Variants in TRPC4AP observed in about 807,000 individuals in gnomAD.
The protein encoded by TRPC4AP is short transient receptor potential channel 4-associated protein.
Under a neutral mutation model 99.0 loss-of-function variants are expected in TRPC4AP, and 45 were observed. The ratio of observed to expected loss-of-function variants is 0.45; its 90% CI spans 0.36 to 0.58. The LOEUF is 0.58. Ranked by LOEUF, TRPC4AP falls within the 20% of genes least tolerant of loss-of-function variation. The pLI, the probability that TRPC4AP is intolerant of heterozygous loss-of-function variation, is 0.00. For missense variants in TRPC4AP, 879 were observed against 985.3 expected (o/e 0.89, Z 1.44); for synonymous variants, 408 against 385.8 (o/e 1.06, Z -0.67).
intron 8 of TRPC4AP, among the ~76,000 whole-genome samples, chr20:35,023,809 T>C (rs1444693641): frequency 6.6e-6 from 1 of 152,196 alleles, no homozygotes; most frequent in African/African-American, 2.4e-5. Context: ...GTGGGCACAG[T>C]GTGGGGCACA....
At chr20:35,008,606 G>A in intron 13 of TRPC4AP, 58 bp downstream of exon 13, 1 of 1,509,600 alleles carries the variant, frequency 6.6e-7, no homozygotes. Flanking sequence ...CTAACCTCCT[G>A]AGAAACACCT....
rs2082883662 is a variant in TRPC4AP at position 35,021,316 on chromosome 20, A to G, written c.1092T>C (p.Asn364=). The G allele has an allele frequency of 6.2e-7, 1 of 1,614,056 alleles. No homozygotes were observed. The highest frequency in any genetic ancestry group is 1.7e-5 in the Admixed American group (1 of 60,006). Residue 364 remains asparagine, a synonymous_variant, in exon 9 of 19, where the codon AAT becomes AAC. Transcript: ENST00000252015. The part of the protein sequence containing the change: ...VFPPPGASEE[N]GLPHTSARTQ... ...TTCTGGCTGACGTGTGAGGCAGGCC[A>G]TTCTCCTCAGAAGCCCCTGGAGGAG...
chr20:35,016,022 A>G lies in TRPC4AP; in HGVS notation c.1336T>C (p.Cys446Arg). The stretch of plus-strand genomic sequence containing the variant: ...CTCCTGCTTACCGGGCTACAGTCAC[A>G]GTTCTGGTTGTGACCATGGAGGACA... ...ALVLHGHNQN[C>R]DCSPDITLKI... The change falls in exon 10 of 19, where the codon TGT becomes CGT. Residue 446 changes from cysteine (C) to arginine (R), a missense_variant. This residue lies in a region of TRPC4AP where 603 missense variants were observed against 631.8 expected (regional missense o/e 0.95). Coordinates refer to ENST00000252015, the MANE Select transcript of TRPC4AP (RefSeq NM_015638.3). 6.2e-7 allele frequency: 1 copy of G among 1,614,206 alleles called. No individual in the cohort carries two copies. The highest frequency in any genetic ancestry group is 1.3e-5 in the African/African-American group (1 of 75,060).
intron 1 of TRPC4AP, among the ~76,000 whole-genome samples, chr20:35,078,503 T>C (rs2084545060): frequency 6.6e-6 from 1 of 152,128 alleles, no homozygotes; most frequent in Non-Finnish European, 1.5e-5. Flanking sequence ...ATAATTGATA[T>C]GCTAAGAGAT....
chr20:35,092,792 C>A lies in TRPC4AP; in HGVS notation c.-11G>T, dbSNP rs753737032. ...CGGCGCCGCCGCCATGTCTCCTCGT[C>A]GGACAAACAGGAAGCAAGCGGCCTC... On this transcript the variant is annotated 5_prime_UTR_variant, in exon 1 of 19. Transcript: ENST00000252015. 4.9e-5 allele frequency: 74 copies of A among 1,525,110 alleles called. No homozygotes were observed. In the East Asian group the frequency reaches 1.9e-3, roughly 40 times the overall value. 94.5% of individuals were successfully genotyped at this position (1,525,110 alleles called of 1,614,324 possible). A position where few individuals can be genotyped will look rare whatever the true frequency, so the allele number is the denominator to read the frequency against.
intron 2 of TRPC4AP, among the ~76,000 whole-genome samples, chr20:35,075,437 T>C (rs2084449749): frequency 6.6e-6 from 1 of 152,240 alleles, no homozygotes; most frequent in Non-Finnish European, 1.5e-5. Context: ...TCAGGAGCTC[T>C]TGTAAGGCAG....
In TRPC4AP at chr20:35,078,134, T is replaced by C. The variant is rs1438840484; in HGVS notation, c.209A>G (p.Lys70Arg). 2 of 1,613,898 alleles carry C rather than the reference T, an allele frequency of 1.2e-6. No individual in the cohort carries two copies. Among genetic ancestry groups the C allele is most frequent in the African/African-American group, 2.7e-5 (2 of 74,908 alleles). The stretch of plus-strand genomic sequence containing the variant: ...GAGCAGCTGAGGAATTCCACTCCAC[T>C]TGGATTGTTTGTCCCTCTCCGTCAA... ...TFLTERDKQS[K>R]WSGIPQLLLK... Residue 70 changes from lysine (K) to arginine (R), a missense_variant, in exon 2 of 19, where the codon AAG becomes AGG. Around this residue, in one of 3 missense-constraint regions of TRPC4AP, gnomAD observed 603 missense variants for 631.8 expected, o/e 0.95. Transcript: ENST00000252015.
At position 35,039,865 on chromosome 20, in the gene TRPC4AP, C is replaced by A. The variant is rs923827050; in HGVS notation, c.866-4557G>T. ...TAATTATTTATTTTAAAATGAATCT[C>A]AAAAAATAATGACTTACGCTATCTT... On this transcript the variant is annotated intron_variant, in intron 7 of 18. Coordinates refer to ENST00000252015, the MANE Select transcript of TRPC4AP (RefSeq NM_015638.3). 1.0e-3 allele frequency among the ~76,000 whole-genome samples: 155 copies of A among 151,250 alleles called. 3 individuals are homozygous for A. Among genetic ancestry groups the A allele is most frequent in the Non-Finnish European group, 3.4e-4 (23 of 67,780 alleles).
At chr20:35,079,435 G>C (rs971497599) in intron 1 of TRPC4AP, among the ~76,000 whole-genome samples, 2 of 152,020 alleles carry the variant, frequency 1.3e-5, no homozygotes, top group African/African-American at 4.8e-5. Flanking sequence ...TAATAGAAAA[G>C]AAGAAATATC....
Position 35,002,758 on chromosome 20 carries a change from A to C in TRPC4AP, c.*388T>G. 1 of 192,358 alleles carries C rather than the reference A, an allele frequency of 5.2e-6. No individual in the cohort carries two copies. 11.9% of individuals were successfully genotyped at this position (192,358 alleles called of 1,614,324 possible). A position where few individuals can be genotyped will look rare whatever the true frequency, so the allele number is the denominator to read the frequency against. Reference sequence around the variant, plus strand: ...TGGGTCCAAAGGCCAGGGACAAGGGAGGCTTGGCTCACAGATGGGGGGTGG... The same window carrying C: ...TGGGTCCAAAGGCCAGGGACAAGGGCGGCTTGGCTCACAGATGGGGGGTGG... On this transcript the variant is annotated 3_prime_UTR_variant, in exon 19 of 19. Transcript: ENST00000252015.
At chr20:35,065,289 A>G (rs2084114579) in intron 3 of TRPC4AP, among the ~76,000 whole-genome samples, 1 of 152,224 alleles carries the variant, frequency 6.6e-6, no homozygotes. Context: ...CATTTCCTCC[A>G]TAAAAGCAGG....
In TRPC4AP at chr20:35,071,458, T is replaced by A. The variant is rs1260916935; in HGVS notation, c.298-2046A>T. ...CCCCCCACCCCATGCCAGGCCCTGG[T>A]GTGTGACGTTCCCCACCCTGTGTCC... is the stretch of plus-strand genomic sequence containing the variant. On this transcript the variant is annotated intron_variant, in intron 2 of 18. Transcript: ENST00000252015. Among the ~76,000 whole-genome samples the A allele has an allele frequency of 2.5e-5, 3 of 121,252 alleles. No individual in the cohort carries two copies. In the East Asian group the frequency reaches 8.8e-4, roughly 35 times the overall value. The allele number at this position is 121,252 out of a possible 152,430, so 79.5% of individuals were successfully genotyped here. A position where few individuals can be genotyped will look rare whatever the true frequency, so the allele number is the denominator to read the frequency against.
At chr20:35,059,714 A>G (rs951700754) in intron 3 of TRPC4AP, among the ~76,000 whole-genome samples, 2 of 90,498 alleles carry the variant, frequency 2.2e-5, no homozygotes, top group Non-Finnish European at 4.5e-5. Flanking sequence ...AAGAAATAAG[A>G]AGAAGAAGAA....
At chr20:35,021,414 C>T in intron 8 of TRPC4AP, 58 bp from the exon 9 acceptor site, 2 of 1,578,252 alleles carry the variant, frequency 1.3e-6, no homozygotes, top group South Asian at 1.1e-5. Context: ...CACGTTTCTG[C>T]CCCTCGAACC....
At chr20:35,007,123 T>C (rs145472501) in intron 14 of TRPC4AP, among the ~76,000 whole-genome samples, 142 of 152,378 alleles carry the variant, frequency 9.3e-4, no homozygotes, top group African/African-American at 3.3e-3. Flanking sequence ...TTGATTTGGA[T>C]CAATTCTTTT....
At chr20:35,006,849 G>A (rs1034832783) in intron 14 of TRPC4AP, among the ~76,000 whole-genome samples, 1 of 152,254 alleles carries the variant, frequency 6.6e-6, no homozygotes, top group South Asian at 2.1e-4. Flanking sequence ...TGGTCACCAA[G>A]ATGGCCGGGG....
At chr20:35,056,593 C>T (rs929912955) in intron 4 of TRPC4AP, among the ~76,000 whole-genome samples, 9 of 151,916 alleles carry the variant, frequency 5.9e-5, no homozygotes, top group East Asian at 1.9e-4. Context: ...ATTAAAAAAA[C>T]GCAAAGTTGG....
chr20:35,004,903 T>A (rs2082484576), intron 16 of TRPC4AP, among the ~76,000 whole-genome samples: 1 of 152,158 alleles, frequency 6.6e-6, no homozygotes, highest in Non-Finnish European at 1.5e-5. Flanking sequence ...GATGGATCCA[T>A]GACGCTGCAT....
chr20:35,015,636 T>G (rs1229318880), intron 10 of TRPC4AP, among the ~76,000 whole-genome samples: 3 of 151,488 alleles, frequency 2.0e-5, no homozygotes, highest in Non-Finnish European at 2.9e-5. Context: ...CCAATTTTTG[T>G]ATTTTTAGTG....
Sources: gnomAD v4.1 joint callset for allele counts (sites outside exome capture counted in the v4.1 genomes callset) on GRCh38, gnomAD v4.1.1 for gene constraint, gnomAD v4.1.1 regional missense constraint, MANE v1.5 for transcripts, NCBI Gene and HGNC (gene_info 2026-07-23, HGNC 2026-07-21) for gene names.